The following TTC28 variants were observed in gnomAD, a reference collection of about 807,000 sequenced individuals.
The protein encoded by TTC28 is tetratricopeptide repeat domain 28.
Under a neutral mutation model 198.0 loss-of-function variants are expected in TTC28, and 61 were observed. The ratio of observed to expected loss-of-function variants is 0.31; its 90% CI spans 0.25 to 0.38. The LOEUF is 0.38. Among genes scored for constraint, TTC28 ranks in the 10% least tolerant of loss-of-function variants. The pLI, the probability that TTC28 is intolerant of heterozygous loss-of-function variation, is 1.00. For missense variants in TTC28, 2,678 were observed against 3,164.0 expected (o/e 0.85, Z 3.69); for synonymous variants, 1,171 against 1,297.8 (o/e 0.90, Z 2.10).
intron 2 of TTC28, among the ~76,000 whole-genome samples, chr22:28,429,850 TAA>T (rs2047406128): frequency 6.6e-6 from 1 of 152,146 alleles, no homozygotes; most frequent in African/African-American, 2.4e-5. Flanking sequence ...ATCTAAATTT[TAA>T]AGTCTTCAGA....
intron 5 of TTC28, among the ~76,000 whole-genome samples, chr22:28,199,548 T>TATATATATATATATATATATATACAC (rs60177369): frequency 8.3e-4 from 123 of 147,442 alleles, no homozygotes; most frequent in African/African-American, 2.9e-3. Flanking sequence ...TATATATATA[T>TATATATATATATATATATATATACAC]ACACACAAAC....
Position 28,089,656 on chromosome 22 carries a change from A to G in TTC28, c.3932+4424T>C, listed in dbSNP as rs555219130. 2.0e-5 allele frequency among the ~76,000 whole-genome samples: 3 copies of G among 151,022 alleles called. No homozygotes were observed. In the East Asian group the frequency reaches 5.9e-4, roughly 30 times the overall value. On this transcript the variant is annotated intron_variant, in intron 12 of 22. Transcript: ENST00000397906. ...TTGTGCACATATACCCTAAAACTTA[A>G]AGTATAATAATAATAAAATAAAATA...
chr22:28,176,501 T>G (rs73427742), intron 5 of TTC28, among the ~76,000 whole-genome samples: 400 of 152,324 alleles, frequency 2.6e-3, no homozygotes, highest in African/African-American at 9.1e-3. Context: ...GGTGTCCTAC[T>G]GCACAGTAAG....
At chr22:28,218,770 A>G (rs1351895341) in intron 5 of TTC28, among the ~76,000 whole-genome samples, 1 of 152,112 alleles carries the variant, frequency 6.6e-6, no homozygotes, top group African/African-American at 2.4e-5. Context: ...AGCTTCATTG[A>G]GGACATTTTT....
chr22:28,336,744 G>A (rs1002360147), intron 2 of TTC28, among the ~76,000 whole-genome samples: 2 of 151,164 alleles, frequency 1.3e-5, no homozygotes, highest in Non-Finnish European at 2.9e-5. Flanking sequence ...TTCTTTATTC[G>A]TCTTGCTAGC....
intron 1 of TTC28, among the ~76,000 whole-genome samples, chr22:28,672,357 A>C (rs886794309): frequency 9.9e-5 from 15 of 152,058 alleles, no homozygotes; most frequent in African/African-American, 3.6e-4. Flanking sequence ...TAGTAGAGAC[A>C]GGGTTTCATC....
chr22:28,318,639 C>A (rs1289299002), intron 2 of TTC28, among the ~76,000 whole-genome samples: 1 of 151,980 alleles, frequency 6.6e-6, no homozygotes, highest in Admixed American at 6.6e-5. Flanking sequence ...AGAACTGGAA[C>A]CTCTTTTTGA....
chr22:28,434,780 T>C (rs937637744), intron 2 of TTC28, among the ~76,000 whole-genome samples: 4 of 152,214 alleles, frequency 2.6e-5, no homozygotes, highest in Non-Finnish European at 5.9e-5. Flanking sequence ...CATTGAGTTT[T>C]TGGAAGAGTG....
At chr22:28,412,470 A>C (rs1301473428) in intron 2 of TTC28, among the ~76,000 whole-genome samples, 1 of 152,192 alleles carries the variant, frequency 6.6e-6, no homozygotes, top group East Asian at 1.9e-4. Flanking sequence ...TTAGCCTGGC[A>C]TACAAGTCCT....
intron 12 of TTC28, among the ~76,000 whole-genome samples, chr22:28,071,747 G>GGAAAAAAAAAAAAAAAAAAAAAAAA (rs1569120333): frequency 8.9e-6 from 1 of 112,436 alleles, no homozygotes; most frequent in Non-Finnish European, 1.8e-5. Context: ...AAAAAAAAAA[G>GGAAAAAAAAAAAAAAAAAAAAAAAA]GAAAAAAAAA....
chr22:28,642,333 T>C (rs528785830), intron 1 of TTC28, among the ~76,000 whole-genome samples: 1 of 152,076 alleles, frequency 6.6e-6, no homozygotes, highest in South Asian at 2.1e-4. Flanking sequence ...AAAGATTTCT[T>C]GGCCAGAATA....
At chr22:28,263,677 TA>T (rs1601547798) in intron 5 of TTC28, among the ~76,000 whole-genome samples, 1 of 152,270 alleles carries the variant, frequency 6.6e-6, no homozygotes, top group East Asian at 1.9e-4. Flanking sequence ...GTGATATTGA[TA>T]GATCAGTCCT....
intron 16 of TTC28, chr22:27,996,544 T>G (rs1255670396): frequency 2.7e-6 from 1 of 372,682 alleles, no homozygotes; most frequent in Non-Finnish European, 4.9e-6. Flanking sequence ...AAAACCTGCC[T>G]TGTTTTCTCT....
intron 12 of TTC28, among the ~76,000 whole-genome samples, chr22:28,083,699 G>T (rs1276421170): frequency 6.6e-6 from 1 of 152,236 alleles, no homozygotes; most frequent in Non-Finnish European, 1.5e-5. Context: ...TGCATGAGAT[G>T]AAGCAGGGCG....
intron 2 of TTC28, among the ~76,000 whole-genome samples, chr22:28,373,690 T>C (rs1323350443): frequency 1.3e-5 from 2 of 152,198 alleles, no homozygotes; most frequent in African/African-American, 2.4e-5. Flanking sequence ...AAAATAACTA[T>C]ACGAAGTTTA....
At chr22:28,477,795 C>A (rs573736629) in intron 2 of TTC28, among the ~76,000 whole-genome samples, 1 of 152,148 alleles carries the variant, frequency 6.6e-6, no homozygotes, top group Non-Finnish European at 1.5e-5. Context: ...CCTGCCCTCT[C>A]GTACAACTGG....
chr22:28,590,315 G>T (rs2050404746), intron 2 of TTC28, among the ~76,000 whole-genome samples: 2 of 151,778 alleles, frequency 1.3e-5, no homozygotes, highest in Non-Finnish European at 2.9e-5. Context: ...ATTTTTAGTA[G>T]AGACGGGGTT....
intron 5 of TTC28, among the ~76,000 whole-genome samples, chr22:28,194,598 G>C (rs1442904625): frequency 6.6e-6 from 1 of 151,810 alleles, no homozygotes; most frequent in Non-Finnish European, 1.5e-5. Flanking sequence ...ATGATAAAGG[G>C]GATATCACCA....
At chr22:28,077,289 G>A (rs1040957661) in intron 12 of TTC28, among the ~76,000 whole-genome samples, 6 of 152,114 alleles carry the variant, frequency 3.9e-5, no homozygotes, top group Non-Finnish European at 5.9e-5. Context: ...GTACATATGC[G>A]ATCTACTTAT....
Sources: gnomAD v4.1 joint callset for allele counts (sites outside exome capture counted in the v4.1 genomes callset) on GRCh38, gnomAD v4.1.1 for gene constraint, MANE v1.5 for transcripts, NCBI Gene and HGNC (gene_info 2026-07-23, HGNC 2026-07-21) for gene names.